The following EMC10 variants were observed in gnomAD, a reference collection of about 807,000 sequenced individuals.
EMC10 encodes the protein UPF0510 protein INM02.
EMC10 carries 40 observed loss-of-function variants against 32.2 expected under a neutral mutation model. That is an observed-to-expected ratio of 1.24 (90% CI 0.96 to 1.61). The LOEUF (loss-of-function observed/expected upper bound fraction) is 1.61, where lower values mean the gene tolerates loss of function less well. EMC10 is among the 40% of genes most tolerant of loss of function. The pLI is 0.00. For missense variants in EMC10, 402 were observed against 357.7 expected (o/e 1.12, Z -1.00); for synonymous variants, 178 against 158.4 (o/e 1.12, Z -0.93).
At position 50,489,374 on chromosome 19, in the gene EMC10, G is replaced by C. The variant is rs943166124; in HGVS notation, c.*7115G>C. ...TGTGGAAGAGCAATATGGAGAGAAA[G>C]AAGGGAGAGAGGATTGGAAGTAGCG... On this transcript the variant is annotated 3_prime_UTR_variant, in exon 7 of 7. Transcript: ENST00000334976. The C allele has an allele frequency of 6.6e-6, 1 of 152,462 alleles. No homozygotes were observed. Among genetic ancestry groups the C allele is most frequent in the Non-Finnish European group, 1.5e-5 (1 of 68,198 alleles). 9.4% of individuals were successfully genotyped at this position (152,462 alleles called of 1,614,324 possible).
intron 2 of EMC10, among the ~76,000 whole-genome samples, chr19:50,478,596 G>C (rs180953859): frequency 1.1e-3 from 166 of 152,298 alleles, no homozygotes; most frequent in Non-Finnish European, 2.0e-3. Flanking sequence ...TCAGTGAACA[G>C]CTCCCCTGAT....
intron 1 of EMC10, 76 bp downstream of exon 1, chr19:50,476,734 G>C (rs2040229788): frequency 2.1e-6 from 2 of 935,844 alleles, no homozygotes; most frequent in East Asian, 6.1e-5. Context: ...GTGAGTTACA[G>C]ACGGAAGGAG....
intron 2 of EMC10, among the ~76,000 whole-genome samples, chr19:50,478,314 C>T (rs1246842602): frequency 6.6e-6 from 1 of 152,234 alleles, no homozygotes. Context: ...GATGTCCTCA[C>T]AGCAGCCATG....
rs2040366746 is a variant in EMC10 at position 50,484,329 on chromosome 19, ACTG to A, written c.*2071_*2073del. On this transcript the variant is annotated 3_prime_UTR_variant, in exon 7 of 7. Transcript: ENST00000334976. ...AGGCATGAGCCACTGCGCCAGGCCT[ACTG>A]ATGCTTTTTGGGAAGTGTTCCCAAC... is the stretch of plus-strand genomic sequence containing the variant. The A allele has an allele frequency of 6.6e-6, 1 of 152,208 alleles. No homozygotes were observed. Among genetic ancestry groups the A allele is most frequent in the Admixed American group, 6.5e-5 (1 of 15,276 alleles). 9.4% of individuals were successfully genotyped at this position (152,208 alleles called of 1,614,324 possible).
Position 50,482,915 on chromosome 19 carries a change from G to A in EMC10, c.*656G>A, listed in dbSNP as rs1344299381. 5.3e-6 allele frequency: 3 copies of A among 560,824 alleles called. No homozygotes were observed. Among genetic ancestry groups the A allele is most frequent in the African/African-American group, 3.8e-5 (2 of 52,678 alleles). 34.7% of individuals were successfully genotyped at this position (560,824 alleles called of 1,614,324 possible). On this transcript the variant is annotated 3_prime_UTR_variant, in exon 7 of 7. Coordinates refer to ENST00000334976, the MANE Select transcript of EMC10 (RefSeq NM_206538.4). ...AGGAATCCTTGCCTTTAAGGTGACA[G>A]GCCCTCCACAGGCTTCCAGACTTGA...
At chr19:50,479,115 C>T (rs1378906337) in intron 3 of EMC10, 49 bp downstream of exon 3, 17 of 1,455,586 alleles carry the variant, frequency 1.2e-5, no homozygotes, top group Non-Finnish European at 1.5e-5. Context: ...GGAGGGTTTC[C>T]AGCTGTCTCT....
rs966741753 is a variant in EMC10, at chr19:50,482,753, C to T, written c.*494C>T. ...GGATGCAGCCTCCCTTCTGTGTCCCCTTGAGGGTACCCTGGGTCCCCTCAT... is the reference window on the plus strand; with the variant it reads ...GGATGCAGCCTCCCTTCTGTGTCCCTTTGAGGGTACCCTGGGTCCCCTCAT... On this transcript the variant is annotated 3_prime_UTR_variant, in exon 7 of 7. Transcript: ENST00000334976. The T allele has an allele frequency of 7.7e-5, 38 of 490,550 alleles. No individual in the cohort carries two copies. Among genetic ancestry groups the T allele is most frequent in the Non-Finnish European group, 1.3e-4 (37 of 279,100 alleles). The allele number at this position is 490,550 out of a possible 1,614,324, so 30.4% of individuals were successfully genotyped here. A position where few individuals can be genotyped will look rare whatever the true frequency, so the allele number is the denominator to read the frequency against.
rs910711362 is a variant in EMC10 at position 50,480,530 on chromosome 19, G to A, written c.403-51G>A. ...GGTGGGGGCCGGGGGAGGTTAGGGT[G>A]GAGCCCAGGCAGCAGGCTCCCCACC... On this transcript the variant is annotated intron_variant, in intron 4 of 6. Coordinates refer to ENST00000334976, the MANE Select transcript of EMC10 (RefSeq NM_206538.4). The surrounding 1 kb of genome is among the most constrained non-coding windows in gnomAD (Gnocchi z 4.4). 1 of 1,537,268 alleles carries A rather than the reference G, an allele frequency of 6.5e-7. No homozygotes were observed. Among genetic ancestry groups the A allele is most frequent in the Admixed American group, 2.0e-5 (1 of 49,872 alleles).
chr19:50,478,253 G>C (rs1248295939), intron 2 of EMC10, among the ~76,000 whole-genome samples: 1 of 152,224 alleles, frequency 6.6e-6, no homozygotes, highest in Non-Finnish European at 1.5e-5. Flanking sequence ...TTCCTGATCA[G>C]TCGCCACGTG....
intron 6 of EMC10, chr19:50,481,813 G>GC: frequency 2.0e-6 from 3 of 1,492,154 alleles, no homozygotes; most frequent in Non-Finnish European, 2.7e-6. Flanking sequence ...TGGCCCTCAG[G>GC]CCCCACGGCA....
chr19:50,479,267 T>C (rs2040280434), intron 3 of EMC10, among the ~76,000 whole-genome samples: 1 of 152,228 alleles, frequency 6.6e-6, no homozygotes, highest in Non-Finnish European at 1.5e-5. Context: ...CCGCCAGGCA[T>C]GGTGTCCTGC....
Position 50,483,386 on chromosome 19 carries a change from C to T in EMC10, c.*1127C>T, listed in dbSNP as rs1601330087. ...CTGCATTGTATGGTTATAAATAGCA[C>T]CCTAGTGAGTGCTGTCGTCCAGTCT... On this transcript the variant is annotated 3_prime_UTR_variant, in exon 7 of 7. Transcript: ENST00000334976. 4.0e-6 allele frequency: 1 copy of T among 250,842 alleles called. No individual in the cohort carries two copies. Among genetic ancestry groups the T allele is most frequent in the East Asian group, 1.2e-4 (1 of 8,150 alleles). 15.5% of individuals were successfully genotyped at this position (250,842 alleles called of 1,614,324 possible).
At position 50,482,139 on chromosome 19, in the gene EMC10, C is replaced by T. The variant is rs577404242; in HGVS notation, c.679-10C>T. 173 of 1,552,730 alleles carry T rather than the reference C, an allele frequency of 1.1e-4. 2 individuals carry two copies. In the South Asian group the frequency reaches 1.8e-3, roughly 16 times the overall value. ...TGTGTCTGTCTGTCCATCCTTCCGT[C>T]CGGCTGCAGTGGATGTACATCATTC... On this transcript the variant is annotated splice_polypyrimidine_tract_variant and intron_variant, in intron 6 of 6. Coordinates refer to ENST00000334976, the MANE Select transcript of EMC10 (RefSeq NM_206538.4).
Position 50,482,734 on chromosome 19 carries a change from A to G in EMC10, c.*475A>G. The G allele has an allele frequency of 2.1e-6, 1 of 483,092 alleles. No homozygotes were observed. The allele number at this position is 483,092 out of a possible 1,614,324, so 29.9% of individuals were successfully genotyped here. ...TCACTTTGACACTGGACTAGGATGC[A>G]GCCTCCCTTCTGTGTCCCCTTGAGG... On this transcript the variant is annotated 3_prime_UTR_variant, in exon 7 of 7. Transcript: ENST00000334976.
rs749378445 is a variant in EMC10, at chr19:50,482,009, G to A, written c.679-140G>A. 1.3e-5 allele frequency: 20 copies of A among 1,593,866 alleles called. No individual in the cohort carries two copies. In the East Asian group the frequency reaches 2.2e-4, roughly 18 times the overall value. On this transcript the variant is annotated intron_variant, in intron 6 of 6. Transcript: ENST00000334976. ...CTGGCCCTCCCTGACCTGTAGTGACGTAGGGGACCTGGGCGCCCTCCCCTT... is the reference window on the plus strand; with the variant it reads ...CTGGCCCTCCCTGACCTGTAGTGACATAGGGGACCTGGGCGCCCTCCCCTT...
Position 50,480,311 on chromosome 19 carries a change from G to T in EMC10, c.402+96G>T, listed in dbSNP as rs2040297730. On this transcript the variant is annotated intron_variant, in intron 4 of 6. Transcript: ENST00000334976. The surrounding 1 kb of genome is among the most constrained non-coding windows in gnomAD (Gnocchi z 4.4). ...CCATTCGAACCCCTGTGTTTCTGGA[G>T]CCCGCAGAGGCCTGGGAGACTCAGA... is the stretch of plus-strand genomic sequence containing the variant. The T allele has an allele frequency of 7.1e-6, 9 of 1,269,404 alleles. No homozygotes were observed. Among genetic ancestry groups the T allele is most frequent in the Non-Finnish European group, 1.0e-5 (9 of 902,500 alleles). The allele number at this position is 1,269,404 out of a possible 1,614,324, so 78.6% of individuals were successfully genotyped here.
At chr19:50,478,682 A>G (rs913142899) in intron 2 of EMC10, among the ~76,000 whole-genome samples, 2 of 152,196 alleles carry the variant, frequency 1.3e-5, no homozygotes, top group Non-Finnish European at 2.9e-5. Flanking sequence ...GCTGAGGCTC[A>G]GAGAGGTTGT....
At chr19:50,477,724 C>A (rs2040250753) in intron 1 of EMC10, among the ~76,000 whole-genome samples, 1 of 152,112 alleles carries the variant, frequency 6.6e-6, no homozygotes, top group Non-Finnish European at 1.5e-5. Context: ...TTTGTAGGGT[C>A]TGGTTTTCTG....
chr19:50,480,075 A>C lies in EMC10; in HGVS notation c.298-36A>C, dbSNP rs1313421757. ...TCACAGCCTGTCCAGGGCTGACACCATCCTTCTGACCAGCACCCTCTTCTC... is the reference window on the plus strand; with the variant it reads ...TCACAGCCTGTCCAGGGCTGACACCCTCCTTCTGACCAGCACCCTCTTCTC... On this transcript the variant is annotated intron_variant, in intron 3 of 6. Coordinates refer to ENST00000334976, the MANE Select transcript of EMC10 (RefSeq NM_206538.4). The surrounding 1 kb of genome is among the most constrained non-coding windows in gnomAD (Gnocchi z 4.4). The C allele has an allele frequency of 6.5e-7, 1 of 1,546,206 alleles. No homozygotes were observed. The highest frequency in any genetic ancestry group is 1.4e-5 in the African/African-American group (1 of 73,946).
Sources: gnomAD v4.1 joint callset for allele counts (sites outside exome capture counted in the v4.1 genomes callset) on GRCh38, gnomAD v4.1.1 for gene constraint, Gnocchi (gnomAD v3.1) non-coding constraint, MANE v1.5 for transcripts, NCBI Gene and HGNC (gene_info 2026-07-23, HGNC 2026-07-21) for gene names.